ZDHHC7: variants seen among roughly 807,000 people sequenced by gnomAD.
ZDHHC7 encodes the protein palmitoyltransferase ZDHHC7.
Under a neutral mutation model 34.1 loss-of-function variants are expected in ZDHHC7, and 12 were observed. The ratio of observed to expected loss-of-function variants is 0.35; its 90% CI spans 0.23 to 0.57. The LOEUF (loss-of-function observed/expected upper bound fraction) is 0.57. Among genes scored for constraint, ZDHHC7 ranks in the 20% least tolerant of loss-of-function variants. The pLI, the probability that ZDHHC7 is intolerant of heterozygous loss-of-function variation, is 0.84. For missense variants in ZDHHC7, 388 were observed against 402.7 expected, an observed-to-expected ratio of 0.96 and a Z score of 0.31; for synonymous variants, 185 against 155.4, an observed-to-expected ratio of 1.19 and a Z score of -1.42.
chr16:84,989,810 T>C (rs1378253248), intron 3 of ZDHHC7, among the ~76,000 whole-genome samples: 1 of 151,748 alleles, frequency 6.6e-6, no homozygotes, highest in Non-Finnish European at 1.5e-5. Context: ...TGGGAGTCCC[T>C]ATACCATGGT....
Position 84,977,331 on chromosome 16 carries a change from G to C in ZDHHC7, c.620-106C>G, listed in dbSNP as rs924515998. The C allele has an allele frequency of 2.2e-5, 32 of 1,439,256 alleles. No individual in the cohort carries two copies. The African/African-American group carries it at 4.1e-4, about 19-fold the overall frequency. The allele number at this position is 1,439,256 out of a possible 1,614,324, so 89.2% of individuals were successfully genotyped here. A position where few individuals can be genotyped will look rare whatever the true frequency, so the allele number is the denominator to read the frequency against. On this transcript the variant is annotated intron_variant, in intron 6 of 7. Transcript: ENST00000313732. ...AGGGCCAGCCCCTGGCCAGCTTCCA[G>C]GGGGAAGTTGTTCACTTTCTAAATG...
intron 1 of ZDHHC7, among the ~76,000 whole-genome samples, chr16:85,008,169 C>T (rs1364589861): frequency 6.6e-6 from 1 of 152,046 alleles, no homozygotes; most frequent in African/African-American, 2.4e-5. Flanking sequence ...AAAAAGAGGT[C>T]TGCCCTTTGT....
the ZDHHC7 span, among the ~76,000 whole-genome samples, chr16:85,027,217 G>A: frequency 3.3e-5 from 5 of 151,974 alleles, no homozygotes; most frequent in South Asian, 4.1e-4. Context: ...TATCCAAGCC[G>A]GACATTTTTC....
chr16:85,023,905 C>G, the ZDHHC7 span, among the ~76,000 whole-genome samples: 1 of 151,894 alleles, frequency 6.6e-6, no homozygotes, highest in Admixed American at 6.6e-5. Flanking sequence ...CATGAGCCAT[C>G]ACACCCAACC....
chr16:84,992,794 C>A (rs1034237471), intron 2 of ZDHHC7, among the ~76,000 whole-genome samples: 7 of 152,184 alleles, frequency 4.6e-5, no homozygotes, highest in African/African-American at 1.7e-4. Context: ...GTCACTACAA[C>A]TGAGTAACAG....
chr16:84,997,450 T>G (rs1471567130), intron 1 of ZDHHC7, among the ~76,000 whole-genome samples: 3 of 151,014 alleles, frequency 2.0e-5, no homozygotes. Context: ...CTTTTGTATT[T>G]TTAGTAGAGA....
intron 1 of ZDHHC7, among the ~76,000 whole-genome samples, chr16:85,002,868 G>A (rs895723341): frequency 6.6e-6 from 1 of 151,840 alleles, no homozygotes; most frequent in African/African-American, 2.4e-5. Flanking sequence ...CGGGGCTGCG[G>A]CGCTGGGAGG....
At chr16:84,991,257 C>T (rs1189778080) in intron 2 of ZDHHC7, among the ~76,000 whole-genome samples, 4 of 152,130 alleles carry the variant, frequency 2.6e-5, no homozygotes, top group Non-Finnish European at 2.9e-5. Context: ...CCTTGACACT[C>T]TACCCTGCTT....
intron 1 of ZDHHC7, among the ~76,000 whole-genome samples, chr16:85,000,155 A>G (rs1041701653): frequency 5.3e-5 from 8 of 152,160 alleles, no homozygotes; most frequent in African/African-American, 1.9e-4. Flanking sequence ...AAAATAAAAT[A>G]AAATTGTGCA....
intron 1 of ZDHHC7, among the ~76,000 whole-genome samples, chr16:85,006,315 C>T (rs1482124129): frequency 6.6e-6 from 1 of 152,028 alleles, no homozygotes. Context: ...GCTATGACTG[C>T]ATCACTGTAC....
At chr16:85,024,159 C>T in the ZDHHC7 span, among the ~76,000 whole-genome samples, 1 of 151,184 alleles carries the variant, frequency 6.6e-6, no homozygotes, top group African/African-American at 2.4e-5. Flanking sequence ...CTCAGATGAT[C>T]CACCCGCCTT....
chr16:85,012,724 G>C (rs2072810476), upstream of ZDHHC7, among the ~76,000 whole-genome samples: 1 of 152,152 alleles, frequency 6.6e-6, no homozygotes, highest in East Asian at 1.9e-4. Context: ...GGTCAACGTG[G>C]CGAAACCCCA....
chr16:85,003,936 GC>G lies in ZDHHC7; in HGVS notation c.-104+7349del, dbSNP rs553695320. Among the ~76,000 whole-genome samples, 226 of 152,224 alleles carry G rather than the reference GC, an allele frequency of 1.5e-3. 1 individual carries two copies. The highest frequency in any genetic ancestry group is 0.011 in the South Asian group (55 of 4,806). On this transcript the variant is annotated intron_variant, in intron 1 of 7. Coordinates refer to ENST00000313732, the MANE Select transcript of ZDHHC7 (RefSeq NM_017740.3). ...ATACTTCTCCTCCACCCATGTAAACGCCGGGAGCACCCGGGCTTAGTCCTCG... is the reference window on the plus strand; with the variant it reads ...ATACTTCTCCTCCACCCATGTAAACGCGGGAGCACCCGGGCTTAGTCCTCG...
Position 84,975,098 on chromosome 16 carries a change from T to C in ZDHHC7, c.*1245A>G, listed in dbSNP as rs975195278. On this transcript the variant is annotated 3_prime_UTR_variant, in exon 8 of 8. Coordinates refer to ENST00000313732, the MANE Select transcript of ZDHHC7 (RefSeq NM_017740.3). ...AGGCAAGGCCCCACGAGGGGAGCTG[T>C]TGGCTTTCTGGCATAATTTTAAGCT... is the stretch of plus-strand genomic sequence containing the variant. 5.2e-5 allele frequency: 8 copies of C among 152,662 alleles called. No homozygotes were observed. The highest frequency in any genetic ancestry group is 9.6e-5 in the African/African-American group (4 of 41,458). 9.5% of individuals were successfully genotyped at this position (152,662 alleles called of 1,614,324 possible).
intron 6 of ZDHHC7, 98 bp downstream of exon 6, chr16:84,977,826 C>T (rs2072317716): frequency 4.4e-6 from 4 of 903,018 alleles, no homozygotes; most frequent in South Asian, 1.7e-5. Flanking sequence ...GCAATGATTT[C>T]CTTCAAAATT....
At chr16:85,027,072 G>A in the ZDHHC7 span, among the ~76,000 whole-genome samples, 2 of 152,142 alleles carry the variant, frequency 1.3e-5, no homozygotes, top group East Asian at 3.8e-4. Context: ...TGGCCTGAAC[G>A]TTGTGTTTAC....
At chr16:84,978,174 A>C in intron 5 of ZDHHC7, 169 bp from the exon 6 acceptor site, 1 of 512,666 alleles carries the variant, frequency 2.0e-6, no homozygotes, top group Non-Finnish European at 3.5e-6. Flanking sequence ...AGTAGCTGAG[A>C]CTACAAGCAC....
intron 3 of ZDHHC7, among the ~76,000 whole-genome samples, chr16:84,984,901 G>C (rs2072417254): frequency 6.6e-6 from 1 of 152,156 alleles, no homozygotes; most frequent in Non-Finnish European, 1.5e-5. Flanking sequence ...ATCTCAAAGG[G>C]CCTCGCCAGG....
At chr16:84,995,072 G>A (rs527635329) in intron 2 of ZDHHC7, among the ~76,000 whole-genome samples, 20 of 152,292 alleles carry the variant, frequency 1.3e-4, no homozygotes, top group Admixed American at 6.5e-4. Context: ...CAAGGGCACA[G>A]CCTTATTCTG....
Sources: gnomAD v4.1 joint callset for allele counts (sites outside exome capture counted in the v4.1 genomes callset) on GRCh38, gnomAD v4.1.1 for gene constraint, MANE v1.5 for transcripts, NCBI Gene and HGNC (gene_info 2026-07-23, HGNC 2026-07-21) for gene names.